The following HSPBAP1 variants were observed in gnomAD, a reference collection of about 807,000 sequenced individuals.
HSPBAP1 encodes the protein HSPB1 associated protein 1, also known as HSPB1-associated protein 1.
In HSPBAP1, 27 loss-of-function variants were observed where a neutral mutation model predicts 45.2. The ratio of observed to expected loss-of-function variants is 0.60; its 90% CI spans 0.44 to 0.82. The LOEUF is 0.82. HSPBAP1 is among the 40% of genes least tolerant of loss of function. The pLI, the probability that HSPBAP1 is intolerant of heterozygous loss-of-function variation, is 0.00. For missense variants in HSPBAP1, 510 were observed against 590.9 expected (o/e 0.86, Z 1.42); for synonymous variants, 204 against 202.7 (o/e 1.01, Z -0.06).
intron 3 of HSPBAP1, among the ~76,000 whole-genome samples, chr3:122,766,607 G>C (rs1934789848): frequency 6.6e-6 from 1 of 152,206 alleles, no homozygotes. Flanking sequence ...GGGTGGGACA[G>C]AACTACTAAT....
chr3:122,740,953 G>C, intron 7 of HSPBAP1, 50 bp downstream of exon 7: 1 of 1,605,934 alleles, frequency 6.2e-7, no homozygotes, highest in Middle Eastern at 1.7e-4. Context: ...AGTCAGGGCT[G>C]GTTTACCACA....
chr3:122,752,771 T>C, intron 5 of HSPBAP1, 97 bp from the exon 6 acceptor site: 1 of 1,408,896 alleles, frequency 7.1e-7, no homozygotes, highest in Non-Finnish European at 9.4e-7. Flanking sequence ...AAAAAAGGAA[T>C]ACAAATGAAT....
chr3:122,755,087 G>A (rs1394283011), intron 5 of HSPBAP1, 173 bp downstream of exon 5: 2 of 1,225,084 alleles, frequency 1.6e-6, no homozygotes, highest in African/African-American at 1.6e-5. Context: ...AAGCAGAGGT[G>A]TATGTGTCTG....
At chr3:122,745,913 G>A (rs1290760616) in intron 6 of HSPBAP1, among the ~76,000 whole-genome samples, 1 of 152,184 alleles carries the variant, frequency 6.6e-6, no homozygotes, top group Non-Finnish European at 1.5e-5. Flanking sequence ...AACTGCAAAA[G>A]CTGCAGCCAC....
chr3:122,750,681 T>C (rs555039370), intron 6 of HSPBAP1, among the ~76,000 whole-genome samples: 60 of 152,248 alleles, frequency 3.9e-4, no homozygotes, highest in Admixed American at 6.5e-4. Context: ...CAAAAAGAAC[T>C]GTGGCTACCT....
intron 3 of HSPBAP1, among the ~76,000 whole-genome samples, chr3:122,760,308 G>C (rs983064094): frequency 2.6e-5 from 4 of 151,632 alleles, no homozygotes; most frequent in Non-Finnish European, 5.9e-5. Context: ...TGATGGCTCT[G>C]CCTTATTTTT....
intron 1 of HSPBAP1, among the ~76,000 whole-genome samples, 200 bp from the exon 2 acceptor site, chr3:122,778,106 T>C (rs981448390): frequency 6.6e-6 from 1 of 152,030 alleles, no homozygotes; most frequent in Non-Finnish European, 1.5e-5. Context: ...GATCCAGGGG[T>C]ATATGTGCAG....
At chr3:122,781,178 C>T (rs553306433) in intron 1 of HSPBAP1, among the ~76,000 whole-genome samples, 13 of 151,526 alleles carry the variant, frequency 8.6e-5, no homozygotes, top group East Asian at 1.9e-4. Flanking sequence ...GCTGCAATCT[C>T]GGCACTTTGG....
intron 6 of HSPBAP1, among the ~76,000 whole-genome samples, chr3:122,751,333 C>G (rs1215833432): frequency 6.6e-6 from 1 of 152,102 alleles, no homozygotes; most frequent in Non-Finnish European, 1.5e-5. Flanking sequence ...AATTATAATC[C>G]TCATTTTACA....
chr3:122,744,567 A>G (rs540098075), intron 6 of HSPBAP1, among the ~76,000 whole-genome samples: 20 of 152,352 alleles, frequency 1.3e-4, no homozygotes, highest in Non-Finnish European at 2.4e-4. Flanking sequence ...AATTATACAG[A>G]AAGATGTTGA....
At chr3:122,741,169 A>G in intron 6 of HSPBAP1, 56 bp from the exon 7 acceptor site, 1 of 1,236,322 alleles carries the variant, frequency 8.1e-7, no homozygotes, top group Non-Finnish European at 1.2e-6. Context: ...TTTTTAAGAG[A>G]TAATAAAGTC....
At chr3:122,772,953 A>G (rs1402049440) in intron 2 of HSPBAP1, among the ~76,000 whole-genome samples, 1 of 151,980 alleles carries the variant, frequency 6.6e-6, no homozygotes, top group Non-Finnish European at 1.5e-5. Context: ...GGCTTAAGCA[A>G]TCCTCCTGCC....
chr3:122,746,936 G>GTGCA (rs1933888840), intron 6 of HSPBAP1, among the ~76,000 whole-genome samples: 1 of 152,002 alleles, frequency 6.6e-6, no homozygotes, highest in South Asian at 2.1e-4. Context: ...ATTGCAGACG[G>GTGCA]AGTCTCGTTC....
chr3:122,773,964 G>A (rs996991274), intron 2 of HSPBAP1, among the ~76,000 whole-genome samples: 1 of 152,220 alleles, frequency 6.6e-6, no homozygotes, highest in Non-Finnish European at 1.5e-5. Flanking sequence ...ATAAATTTCA[G>A]TTTTGGCCAA....
chr3:122,779,034 C>CTTTT (rs201429620), intron 1 of HSPBAP1, among the ~76,000 whole-genome samples: 5 of 147,750 alleles, frequency 3.4e-5, no homozygotes, highest in African/African-American at 7.5e-5. Flanking sequence ...CATTTTCTTT[C>CTTTT]TTTTTCTTTT....
At chr3:122,788,090 A>G (rs1349207199) in intron 1 of HSPBAP1, among the ~76,000 whole-genome samples, 3 of 152,194 alleles carry the variant, frequency 2.0e-5, no homozygotes, top group African/African-American at 4.8e-5. Context: ...GTAAACACAC[A>G]GGAAGTTCAG....
At chr3:122,747,729 C>T (rs1415189794) in intron 6 of HSPBAP1, among the ~76,000 whole-genome samples, 2 of 149,874 alleles carry the variant, frequency 1.3e-5, no homozygotes, top group East Asian at 2.0e-4. Context: ...CCCCTCTGCC[C>T]GGCCAGCCGC....
rs144977720 is a variant in HSPBAP1, at chr3:122,791,102, C to G, written c.64+2515G>C. Reference sequence around the variant, plus strand: ...CTACACATATTAACTCTAATCTTCACAATAATCATGCATTTTACAGAGGAG... The same window carrying G: ...CTACACATATTAACTCTAATCTTCAGAATAATCATGCATTTTACAGAGGAG... On this transcript the variant is annotated intron_variant, in intron 1 of 7. Transcript: ENST00000306103. 7.8e-3 allele frequency among the ~76,000 whole-genome samples: 1,184 copies of G among 152,318 alleles called. 8 individuals carry two copies. The highest frequency in any genetic ancestry group is 0.012 in the Non-Finnish European group (823 of 68,026).
chr3:122,753,738 A>G lies in HSPBAP1; in HGVS notation c.742-1064T>C, dbSNP rs1195422007. 3 of 984,992 alleles carry G rather than the reference A, an allele frequency of 3.0e-6. No individual in the cohort carries two copies. In the African/African-American group the frequency reaches 5.2e-5, roughly 17 times the overall value. The allele number at this position is 984,992 out of a possible 1,614,324, so 61.0% of individuals were successfully genotyped here. ...GATCCTTTCAGGAAAACTGGAAACT[A>G]TAAAAGGCCACTTGATAGTCATTAG... On this transcript the variant is annotated intron_variant, in intron 5 of 7. Transcript: ENST00000306103.
Sources: gnomAD v4.1 joint callset for allele counts (sites outside exome capture counted in the v4.1 genomes callset) on GRCh38, gnomAD v4.1.1 for gene constraint, MANE v1.5 for transcripts, NCBI Gene and HGNC (gene_info 2026-07-23, HGNC 2026-07-21) for gene names.